The following DMD variants were observed in gnomAD, a reference collection of about 807,000 sequenced individuals.
DMD encodes mutant dystrophin.
DMD carries 63 observed loss-of-function variants against 330.1 expected under a neutral mutation model. That is an observed-to-expected ratio of 0.19 (90% CI 0.16 to 0.24). The LOEUF is 0.24. DMD is among the 10% of genes least tolerant of loss of function. DMD has a pLI of 1.00. For missense variants in DMD, 3,344 were observed against 2,684.1 expected, an observed-to-expected ratio of 1.25 and a Z score of -5.43; for synonymous variants, 1,223 against 959.8, an observed-to-expected ratio of 1.27 and a Z score of -5.07.
intron 11 of DMD, among the ~76,000 whole-genome samples, chrX:32,623,675 A>G (rs975784427): frequency 9.1e-6 from 1 of 109,429 alleles, no homozygotes; most frequent in Non-Finnish European, 1.9e-5. Flanking sequence ...CTACAGGTGC[A>G]CCACCTTCCC....
intron 44 of DMD, among the ~76,000 whole-genome samples, chrX:32,096,999 CA>C (rs2096511768): frequency 8.9e-6 from 1 of 111,760 alleles, no homozygotes; most frequent in East Asian, 2.8e-4. Flanking sequence ...CTTAAAGATT[CA>C]AGGGTTCAAG....
At chrX:31,537,590 T>C (rs62590899) in intron 55 of DMD, among the ~76,000 whole-genome samples, 9,481 of 111,602 alleles carry the variant, frequency 0.085, 432 homozygotes, top group Admixed American at 0.18. Context: ...GCTGAAGCTA[T>C]CTTCTTGCCT....
chrX:32,278,913 T>C (rs377272981), intron 43 of DMD, among the ~76,000 whole-genome samples: 2 of 111,785 alleles, frequency 1.8e-5, no homozygotes, highest in East Asian at 5.6e-4. Context: ...AAATTACCCA[T>C]CTCACAAGGG....
At chrX:31,392,818 C>A (rs1450858301) in intron 60 of DMD, among the ~76,000 whole-genome samples, 1 of 111,799 alleles carries the variant, frequency 8.9e-6, no homozygotes, top group Admixed American at 9.5e-5. Context: ...CAAAAGCTTC[C>A]ATAGAAACAG....
chrX:32,704,108 C>G, intron 7 of DMD, among the ~76,000 whole-genome samples: 1 of 111,666 alleles, frequency 9.0e-6, no homozygotes, highest in South Asian at 3.7e-4. Context: ...TACTATGGAA[C>G]AAATAAATCA....
At chrX:32,359,074 CT>C (rs1296232248) in intron 37 of DMD, among the ~76,000 whole-genome samples, 1 of 111,438 alleles carries the variant, frequency 9.0e-6, no homozygotes, top group Non-Finnish European at 1.9e-5. Context: ...CAAAGCAGGT[CT>C]TGTGTCTTGA....
At chrX:32,276,784 A>T (rs1002319120) in intron 43 of DMD, among the ~76,000 whole-genome samples, 1 of 110,307 alleles carries the variant, frequency 9.1e-6, no homozygotes. Context: ...GCCACGCGTG[A>T]TTGTGGGTGA....
chrX:32,277,362 A>G (rs1444578560), intron 43 of DMD, among the ~76,000 whole-genome samples: 2 of 111,838 alleles, frequency 1.8e-5, no homozygotes, highest in Non-Finnish European at 3.8e-5. Context: ...CCTCAATACA[A>G]TAACAGCAGG....
At position 31,147,258 on chromosome X, in the gene DMD, C is replaced by T. The variant is rs2147933057; in HGVS notation, c.10797+17G>A. 5.8e-6 allele frequency: 7 copies of T among 1,210,462 alleles called. No homozygotes were observed. The highest frequency in any genetic ancestry group is 7.8e-6 in the Non-Finnish European group (7 of 894,998). On this transcript the variant is annotated intron_variant, in intron 75 of 78. Coordinates refer to ENST00000357033, the MANE Select transcript of DMD (RefSeq NM_004006.3). ...GGGAAAAATGAATGTTTGTAAAAAT[C>T]CCATCTCTCTCCTCACTTGCTCCAG... is the stretch of plus-strand genomic sequence containing the variant.
chrX:32,099,140 C>T (rs1008907808), intron 44 of DMD, among the ~76,000 whole-genome samples: 1 of 111,627 alleles, frequency 9.0e-6, no homozygotes, highest in Non-Finnish European at 1.9e-5. Flanking sequence ...CTATTTCTCC[C>T]CATCCTCTCC....
At chrX:31,265,801 GT>G (rs1488315065) in intron 62 of DMD, among the ~76,000 whole-genome samples, 164 of 34,887 alleles carry the variant, frequency 4.7e-3, no homozygotes, top group Admixed American at 6.6e-3. Context: ...GGGGGGGTGG[GT>G]GACAAGGAGA....
chrX:32,273,933 A>G (rs1175806447), intron 43 of DMD, among the ~76,000 whole-genome samples: 2 of 112,233 alleles, frequency 1.8e-5, no homozygotes, highest in South Asian at 3.7e-4. Flanking sequence ...GCAAATTATA[A>G]TTGATAAAAT....
rs1272632707 is a variant in DMD at position 32,074,814 on chromosome X, C to T, written c.6439-106300G>A. Among the ~76,000 whole-genome samples, 3 of 108,313 alleles carry T rather than the reference C, an allele frequency of 2.8e-5. No homozygotes were observed. The East Asian group carries it at 8.6e-4, about 31-fold the overall frequency. The allele number at this position is 108,313 out of a possible 115,157, so 94.1% of individuals were successfully genotyped here. On this transcript the variant is annotated intron_variant, in intron 44 of 78. Transcript: ENST00000357033. ...TAATTGCAATCAGATTCCAGATGGA[C>T]CCTAAGAGCTCAGTTACGGAAGTGG...
In DMD at chrX:33,205,721, C is replaced by T. The variant is rs150990975; in HGVS notation, c.31+5561G>A. 2.8e-3 allele frequency among the ~76,000 whole-genome samples: 311 copies of T among 111,521 alleles called. 1 individual carries two copies. Among genetic ancestry groups the T allele is most frequent in the Non-Finnish European group, 4.9e-3 (260 of 53,060 alleles). On this transcript the variant is annotated intron_variant, in intron 1 of 78. Transcript: ENST00000357033. ...TTTAAAGGGTAAGCATTTTATTTGC[C>T]CATAATTGGAAATAATATGGGACAC... is the stretch of plus-strand genomic sequence containing the variant.
chrX:33,060,269 G>T (rs758381969), intron 1 of DMD, among the ~76,000 whole-genome samples: 2 of 111,176 alleles, frequency 1.8e-5, no homozygotes, highest in Admixed American at 1.9e-4. Flanking sequence ...GACTCCTGCT[G>T]AAAATAGTCC....
At chrX:32,132,172 AAGG>A (rs1170858393) in intron 44 of DMD, among the ~76,000 whole-genome samples, 2 of 111,992 alleles carry the variant, frequency 1.8e-5, no homozygotes, top group African/African-American at 6.5e-5. Context: ...GCTTACCTAT[AAGG>A]TCAATTTGTT....
chrX:31,622,869 TATATATATAC>T (rs1192416567), intron 55 of DMD, among the ~76,000 whole-genome samples: 31 of 86,557 alleles, frequency 3.6e-4, no homozygotes, highest in Non-Finnish European at 5.8e-4. Flanking sequence ...TATATATATA[TATATATATAC>T]ACACACACAC....
chrX:31,444,844 G>A (rs1003491250), intron 59 of DMD, among the ~76,000 whole-genome samples: 1 of 110,915 alleles, frequency 9.0e-6, no homozygotes, highest in African/African-American at 3.3e-5. Flanking sequence ...TTAGGAGATG[G>A]GGCCTTTAGG....
At chrX:32,596,314 C>A (rs1016687647) in intron 12 of DMD, among the ~76,000 whole-genome samples, 5 of 100,069 alleles carry the variant, frequency 5.0e-5, no homozygotes, top group South Asian at 4.6e-4. Flanking sequence ...AAAAAAAAAA[C>A]AAATGTATCC....
Sources: gnomAD v4.1 joint callset for allele counts (sites outside exome capture counted in the v4.1 genomes callset) on GRCh38, gnomAD v4.1.1 for gene constraint, MANE v1.5 for transcripts, NCBI Gene and HGNC (gene_info 2026-07-23, HGNC 2026-07-21) for gene names.